Variants in MAML3 observed in about 807,000 individuals in gnomAD.
MAML3 encodes mastermind-like protein 3.
MAML3 carries 27 observed loss-of-function variants against 101.9 expected under a neutral mutation model. The observed-to-expected ratio is 0.27, with a 90% CI of 0.20 to 0.37. The LOEUF (loss-of-function observed/expected upper bound fraction) is 0.37, where lower values mean the gene tolerates loss of function less well. Ranked by LOEUF, MAML3 falls within the 10% of genes least tolerant of loss-of-function variation. The probability of loss-of-function intolerance (pLI) is 1.00; values close to 1 mark genes in which losing one functional copy is unlikely to be tolerated. For synonymous variants in MAML3, 501 were observed against 555.9 expected (o/e 0.90, Z 1.39); for missense variants, 1,316 against 1,444.9 (o/e 0.91, Z 1.45).
intron 2 of MAML3, among the ~76,000 whole-genome samples, chr4:139,762,135 T>C (rs539231594): frequency 6.6e-5 from 10 of 152,328 alleles, no homozygotes; most frequent in African/African-American, 2.4e-4. Context: ...CCCTGGCCTC[T>C]AGAAAATATT....
chr4:139,895,567 T>C (rs1732591919), intron 1 of MAML3, among the ~76,000 whole-genome samples: 1 of 152,188 alleles, frequency 6.6e-6, no homozygotes. Flanking sequence ...GTCTTAGCTT[T>C]ACCATTTTCA....
At chr4:139,912,700 C>T (rs1014007855) in intron 1 of MAML3, among the ~76,000 whole-genome samples, 6 of 152,216 alleles carry the variant, frequency 3.9e-5, no homozygotes, top group Non-Finnish European at 5.9e-5. Flanking sequence ...CGTTTGACGG[C>T]GGAGGCAGAG....
chr4:139,741,568 A>G (rs529575309), intron 2 of MAML3, among the ~76,000 whole-genome samples: 1 of 152,106 alleles, frequency 6.6e-6, no homozygotes, highest in South Asian at 2.1e-4. Context: ...GGGCAACAGC[A>G]AGACCTCATC....
At chr4:139,903,217 C>T (rs1211479185) in intron 1 of MAML3, among the ~76,000 whole-genome samples, 2 of 152,128 alleles carry the variant, frequency 1.3e-5, no homozygotes, top group African/African-American at 4.8e-5. Flanking sequence ...TCAAGCGATC[C>T]TCCCACCTAA....
At chr4:139,881,204 A>C (rs377087189) in intron 2 of MAML3, among the ~76,000 whole-genome samples, 1 of 152,184 alleles carries the variant, frequency 6.6e-6, no homozygotes, top group Admixed American at 6.5e-5. Flanking sequence ...TCAGACAAGA[A>C]GAAGGCGGGT....
intron 1 of MAML3, among the ~76,000 whole-genome samples, chr4:140,135,124 A>T (rs1320066599): frequency 6.6e-6 from 1 of 152,224 alleles, no homozygotes; most frequent in Non-Finnish European, 1.5e-5. Flanking sequence ...CCTCTGGAGG[A>T]AAGTGGAGTT....
At position 139,911,453 on chromosome 4, in the gene MAML3, G is replaced by A. The variant is rs1231298952; in HGVS notation, c.469-20486C>T. 2.0e-5 allele frequency among the ~76,000 whole-genome samples: 3 copies of A among 152,122 alleles called. No individual in the cohort carries two copies. In the East Asian group the frequency reaches 5.8e-4, roughly 29 times the overall value. ...GGCTGGTTGTGAACTCCTGAGCTCA[G>A]GCAATCTGCCCACTTCGGTCTCCCA... On this transcript the variant is annotated intron_variant, in intron 1 of 4. Coordinates refer to ENST00000509479, the MANE Select transcript of MAML3 (RefSeq NM_018717.5).
intron 1 of MAML3, among the ~76,000 whole-genome samples, chr4:140,062,323 C>T (rs910850634): frequency 1.3e-5 from 2 of 152,210 alleles, no homozygotes; most frequent in Non-Finnish European, 2.9e-5. Context: ...CTGTCTCCCA[C>T]ACCATCATGG....
intron 1 of MAML3, among the ~76,000 whole-genome samples, chr4:140,070,954 A>C (rs1202164614): frequency 6.6e-6 from 1 of 152,198 alleles, no homozygotes; most frequent in Admixed American, 6.5e-5. Context: ...GCCACCTTGC[A>C]ATGTGGCGCT....
intron 1 of MAML3, among the ~76,000 whole-genome samples, chr4:140,092,088 G>GTATATATATATACGTATATATATACGTA (rs1728064947): frequency 6.6e-5 from 5 of 76,104 alleles, no homozygotes; most frequent in African/African-American, 2.2e-4. Flanking sequence ...ATATATATAC[G>GTATATATATATACGTATATATATACGTA]TATATATATA....
intron 1 of MAML3, among the ~76,000 whole-genome samples, chr4:140,071,794 C>T (rs895493278): frequency 9.4e-6 from 1 of 106,480 alleles, no homozygotes; most frequent in Non-Finnish European, 2.1e-5. Context: ...AGAGAAGGCA[C>T]GCATCTGCTT....
chr4:139,724,956 G>C (rs1333616221), intron 4 of MAML3, among the ~76,000 whole-genome samples: 1 of 152,056 alleles, frequency 6.6e-6, no homozygotes, highest in African/African-American at 2.4e-5. Context: ...ACAGGGTTTT[G>C]CTATGTTGGC....
intron 2 of MAML3, among the ~76,000 whole-genome samples, chr4:139,803,298 G>C (rs1730641466): frequency 6.6e-6 from 1 of 152,208 alleles, no homozygotes; most frequent in African/African-American, 2.4e-5. Context: ...ATGCAGTGCT[G>C]CTGGATAGAA....
intron 1 of MAML3, among the ~76,000 whole-genome samples, chr4:139,961,827 C>A (rs879835296): frequency 6.6e-6 from 1 of 152,044 alleles, no homozygotes; most frequent in Non-Finnish European, 1.5e-5. Flanking sequence ...AGAACTAAGA[C>A]ACAAAGCCGG....
At chr4:139,853,885 G>A (rs1180605006) in intron 2 of MAML3, among the ~76,000 whole-genome samples, 3 of 151,638 alleles carry the variant, frequency 2.0e-5, no homozygotes, top group Admixed American at 2.0e-4. Flanking sequence ...GCTGTGGCAC[G>A]ATCTCGGGTC....
At position 140,150,528 on chromosome 4, in the gene MAML3, G is replaced by A. The variant is rs1428537475; in HGVS notation, c.468+2332C>T. On this transcript the variant is annotated intron_variant, in intron 1 of 4. Transcript: ENST00000509479. The stretch of plus-strand genomic sequence containing the variant: ...TGTTCCAGGGTCCCCCAGCTGGCGA[G>A]GTAAACGCCACAGCAGTCCTTGATC... Among the ~76,000 whole-genome samples, 3 of 152,210 alleles carry A rather than the reference G, an allele frequency of 2.0e-5. 1 individual carries two copies. In the East Asian group the frequency reaches 5.8e-4, roughly 29 times the overall value.
intron 1 of MAML3, among the ~76,000 whole-genome samples, chr4:140,071,400 T>C (rs1324899861): frequency 3.3e-5 from 5 of 152,176 alleles, no homozygotes; most frequent in Non-Finnish European, 7.4e-5. Flanking sequence ...CACAGATACT[T>C]GCCCAGCTTT....
intron 1 of MAML3, among the ~76,000 whole-genome samples, chr4:139,952,640 C>A (rs956953149): frequency 6.6e-6 from 1 of 152,150 alleles, no homozygotes; most frequent in East Asian, 1.9e-4. Context: ...ATGTCTGCAC[C>A]CTTTCAGCTG....
chr4:140,105,528 G>A (rs911766196), intron 1 of MAML3, among the ~76,000 whole-genome samples: 1 of 151,996 alleles, frequency 6.6e-6, no homozygotes, highest in Non-Finnish European at 1.5e-5. Flanking sequence ...AAACCCAAAG[G>A]GTCAGCCCAT....
Sources: gnomAD v4.1 joint callset for allele counts (sites outside exome capture counted in the v4.1 genomes callset) on GRCh38, gnomAD v4.1.1 for gene constraint, MANE v1.5 for transcripts, NCBI Gene and HGNC (gene_info 2026-07-23, HGNC 2026-07-21) for gene names.